The following CFAP221 variants were observed in gnomAD, a reference collection of about 807,000 sequenced individuals.
CFAP221 encodes cilia and flagella associated protein 221.
A neutral mutation model predicts 113.1 loss-of-function variants in CFAP221; 97 were observed. The observed-to-expected ratio is 0.86, with a 90% CI of 0.73 to 1.02. The LOEUF (loss-of-function observed/expected upper bound fraction) is 1.02, where lower values mean the gene tolerates loss of function less well. Ranked by LOEUF, CFAP221 falls within the 50% of genes least tolerant of loss-of-function variation. CFAP221 has a pLI of 0.00. For missense variants in CFAP221, 1,025 were observed against 1,013.4 expected (o/e 1.01, Z -0.16); for synonymous variants, 331 against 354.4 (o/e 0.93, Z 0.74).
At chr2:119,556,220 C>A (rs1369155229) in intron 3 of CFAP221, 1 of 152,376 alleles carries the variant, frequency 6.6e-6, no homozygotes, top group East Asian at 1.9e-4. Flanking sequence ...CCTCCGCCTC[C>A]CAAGTAGCTG....
intron 6 of CFAP221, among the ~76,000 whole-genome samples, chr2:119,571,120 G>A (rs1347923993): frequency 7.1e-6 from 1 of 141,340 alleles, no homozygotes; most frequent in East Asian, 2.2e-4. Flanking sequence ...CGTTAAATTA[G>A]TATAACAACC....
intron 7 of CFAP221, among the ~76,000 whole-genome samples, chr2:119,599,564 T>G (rs1184179578): frequency 6.6e-6 from 1 of 152,112 alleles, no homozygotes; most frequent in Non-Finnish European, 1.5e-5. Context: ...AGAGAGTTCT[T>G]CAGGCCTAGG....
At chr2:119,644,896 T>TA (rs1687704194) in intron 21 of CFAP221, among the ~76,000 whole-genome samples, 1 of 152,166 alleles carries the variant, frequency 6.6e-6, no homozygotes, top group African/African-American at 2.4e-5. Context: ...TACATTTACT[T>TA]ACTCAATCTT....
chr2:119,580,326 A>T (rs1299060828), intron 6 of CFAP221: 1 of 152,182 alleles, frequency 6.6e-6, no homozygotes, highest in Non-Finnish European at 1.5e-5. Context: ...GGTGACCCTT[A>T]TTCAGAATTT....
In CFAP221 at chr2:119,562,122, A is replaced by G; in HGVS notation, c.527+8A>G. The stretch of plus-strand genomic sequence containing the variant: ...TGTTCTACTTGGTGAAAGGTGAGTT[A>G]CCAAAATGTCAACAAAATGTATAGG... On this transcript the variant is annotated splice_region_variant and intron_variant, in intron 6 of 23. Transcript: ENST00000413369. 1 of 1,508,358 alleles carries G rather than the reference A, an allele frequency of 6.6e-7. No individual in the cohort carries two copies. The highest frequency in any genetic ancestry group is 1.2e-5 in the South Asian group (1 of 82,936). The allele number at this position is 1,508,358 out of a possible 1,614,324, so 93.4% of individuals were successfully genotyped here.
At chr2:119,547,988 C>T (rs769468500) in intron 2 of CFAP221, among the ~76,000 whole-genome samples, 26 of 152,008 alleles carry the variant, frequency 1.7e-4, no homozygotes, top group South Asian at 1.5e-3. Context: ...TTTTTTGAGA[C>T]GGTGTTGTTC....
At chr2:119,653,532 G>T (rs1022463618) in intron 23 of CFAP221, among the ~76,000 whole-genome samples, 17 of 152,028 alleles carry the variant, frequency 1.1e-4, no homozygotes, top group Non-Finnish European at 2.9e-5. Context: ...TTTCCGAGTA[G>T]ATGTACCATA....
intron 2 of CFAP221, among the ~76,000 whole-genome samples, chr2:119,548,762 T>A (rs1057014467): frequency 6.6e-6 from 1 of 152,256 alleles, no homozygotes; most frequent in Non-Finnish European, 1.5e-5. Flanking sequence ...ACAGGCCATG[T>A]GCTCTTTATG....
chr2:119,605,103 C>G, intron 10 of CFAP221, 78 bp from the exon 11 acceptor site: 4 of 1,466,286 alleles, frequency 2.7e-6, no homozygotes, highest in Non-Finnish European at 3.8e-6. Context: ...TATGCCTCGC[C>G]ATTAGAAATG....
At chr2:119,602,487 A>G (rs764638540) in intron 8 of CFAP221, 7 of 372,620 alleles carry the variant, frequency 1.9e-5, no homozygotes, top group Non-Finnish European at 2.6e-5. Context: ...TTCTTTGCGC[A>G]TGGATACACA....
intron 11 of CFAP221, among the ~76,000 whole-genome samples, chr2:119,605,784 A>T (rs184733645): frequency 3.7e-4 from 57 of 152,150 alleles, no homozygotes; most frequent in African/African-American, 1.3e-3. Context: ...TTTTTACCAG[A>T]TCAGACCAAG....
chr2:119,585,910 A>G (rs1683189739), intron 6 of CFAP221, among the ~76,000 whole-genome samples: 2 of 152,208 alleles, frequency 1.3e-5, no homozygotes, highest in African/African-American at 4.8e-5. Context: ...GGAGAAGTCC[A>G]CAGACAGATG....
intron 3 of CFAP221, among the ~76,000 whole-genome samples, chr2:119,551,594 C>A (rs1271603857): frequency 3.3e-5 from 5 of 152,112 alleles, no homozygotes; most frequent in Non-Finnish European, 1.5e-5. Flanking sequence ...TCTGAACCCC[C>A]GGTTCTACTC....
At position 119,637,861 on chromosome 2, in the gene CFAP221, A is replaced by G. The variant is rs557565937; in HGVS notation, c.1975-398A>G. 8.5e-5 allele frequency among the ~76,000 whole-genome samples: 13 copies of G among 152,268 alleles called. No individual in the cohort carries two copies. In the East Asian group the frequency reaches 1.9e-3, roughly 23 times the overall value. ...TCTTTAAAGTAGCTTTTAAAAGCCT[A>G]TTTTTGTTTTCAAAAGCAGAAGCTT... On this transcript the variant is annotated intron_variant, in intron 19 of 23. Coordinates refer to ENST00000413369, the MANE Select transcript of CFAP221 (RefSeq NM_001271049.2).
chr2:119,606,989 A>G lies in CFAP221; in HGVS notation c.1134-1513A>G, dbSNP rs189921731. ...AGGAAGCTTCACCCCAAAATACTTC[A>G]GTATGTAGCTCCTAAGAACAAAGAC... On this transcript the variant is annotated intron_variant, in intron 11 of 23. Transcript: ENST00000413369. 2.7e-4 allele frequency among the ~76,000 whole-genome samples: 41 copies of G among 152,292 alleles called. No individual in the cohort carries two copies. In the East Asian group the frequency reaches 6.5e-3, roughly 24 times the overall value.
intron 22 of CFAP221, among the ~76,000 whole-genome samples, chr2:119,651,406 G>A (rs1688120039): frequency 6.6e-6 from 1 of 151,126 alleles, no homozygotes; most frequent in African/African-American, 2.4e-5. Context: ...TTGTGTAGTT[G>A]TAACAAAGAC....
intron 14 of CFAP221, among the ~76,000 whole-genome samples, chr2:119,618,874 C>T (rs1685699302): frequency 6.6e-6 from 1 of 152,170 alleles, no homozygotes; most frequent in South Asian, 2.1e-4. Context: ...GTCTGAAGTC[C>T]ACCTGGGACA....
Position 119,627,644 on chromosome 2 carries a change from C to T in CFAP221, c.1517-9C>T. On this transcript the variant is annotated splice_polypyrimidine_tract_variant and intron_variant, in intron 15 of 23. Transcript: ENST00000413369. ...TACCCCCTAAAAGTGCCCTTTTTTT[C>T]ACCCATAGAGGCGAATTTCTTCAAA... 1 of 1,607,720 alleles carries T rather than the reference C, an allele frequency of 6.2e-7. No individual in the cohort carries two copies. The highest frequency in any genetic ancestry group is 8.5e-7 in the Non-Finnish European group (1 of 1,177,812).
chr2:119,550,441 G>T (rs1381717684), intron 3 of CFAP221, among the ~76,000 whole-genome samples: 1 of 152,124 alleles, frequency 6.6e-6, no homozygotes. Context: ...AACCTGTTAG[G>T]TGCCAAGTAT....
Sources: gnomAD v4.1 joint callset for allele counts (sites outside exome capture counted in the v4.1 genomes callset) on GRCh38, gnomAD v4.1.1 for gene constraint, MANE v1.5 for transcripts, NCBI Gene and HGNC (gene_info 2026-07-23, HGNC 2026-07-21) for gene names.